The following TJP1 variants were observed in gnomAD, a reference collection of about 807,000 sequenced individuals.
TJP1 encodes tight junction protein 1.
Under a neutral mutation model 194.2 loss-of-function variants are expected in TJP1, and 43 were observed. The ratio of observed to expected loss-of-function variants is 0.22; its 90% CI spans 0.17 to 0.29. The LOEUF is 0.29. Ranked by LOEUF, TJP1 falls within the 10% of genes least tolerant of loss-of-function variation. The probability of loss-of-function intolerance (pLI) is 1.00; values close to 1 mark genes in which losing one functional copy is unlikely to be tolerated. For missense variants in TJP1, 1,971 were observed against 2,185.7 expected (o/e 0.90, Z 1.96); for synonymous variants, 801 against 779.0 (o/e 1.03, Z -0.47).
At chr15:29,840,924 C>T (rs989412061) in intron 2 of TJP1, among the ~76,000 whole-genome samples, 5 of 152,088 alleles carry the variant, frequency 3.3e-5, no homozygotes, top group South Asian at 2.1e-4. Flanking sequence ...ACTGAGACTT[C>T]GGGAAGGCTT....
chr15:29,895,993 G>A (rs1220663181), intron 2 of TJP1, among the ~76,000 whole-genome samples: 1 of 152,064 alleles, frequency 6.6e-6, no homozygotes, highest in African/African-American at 2.4e-5. Flanking sequence ...CAGCTCTCTG[G>A]GGCCTCTTCT....
At chr15:29,760,784 A>G (rs1334248857) in intron 8 of TJP1, among the ~76,000 whole-genome samples, 1 of 152,212 alleles carries the variant, frequency 6.6e-6, no homozygotes, top group Non-Finnish European at 1.5e-5. Flanking sequence ...GCTTGCTAGC[A>G]TCTTCTAATG....
chr15:29,871,663 G>A (rs904678566), intron 2 of TJP1, among the ~76,000 whole-genome samples: 10 of 152,330 alleles, frequency 6.6e-5, no homozygotes, highest in South Asian at 2.1e-4. Flanking sequence ...TGAAAAAGCC[G>A]TCTTGGGCAT....
Position 29,945,348 on chromosome 15 carries a change from T to C in TJP1, c.306+10884A>G, listed in dbSNP as rs535555835. Among the ~76,000 whole-genome samples, 11 of 152,328 alleles carry C rather than the reference T, an allele frequency of 7.2e-5. No individual in the cohort carries two copies. In the South Asian group the frequency reaches 2.3e-3, roughly 32 times the overall value. On this transcript the variant is annotated intron_variant, in intron 2 of 28. Transcript: ENST00000356107. ...TTCTAAGAATCACCAGCTGATATTC[T>C]TTTCACTAATTTCCAAAGAGAAAGA...
chr15:29,725,933 C>G (rs1213232403), intron 18 of TJP1, among the ~76,000 whole-genome samples: 1 of 152,154 alleles, frequency 6.6e-6, no homozygotes, highest in Non-Finnish European at 1.5e-5. Context: ...TATTTCCCAT[C>G]CGCTGCTTGC....
At chr15:29,744,059 G>T (rs1465800283) in intron 8 of TJP1, among the ~76,000 whole-genome samples, 1 of 152,052 alleles carries the variant, frequency 6.6e-6, no homozygotes, top group Non-Finnish European at 1.5e-5. Context: ...TGCGCCTATA[G>T]TCCCAGCTAC....
chr15:29,909,947 A>G (rs1210513118), intron 2 of TJP1, among the ~76,000 whole-genome samples: 9 of 152,326 alleles, frequency 5.9e-5, no homozygotes, highest in African/African-American at 2.2e-4. Context: ...TTAAGTCTTC[A>G]TCACTTATCT....
intron 2 of TJP1, among the ~76,000 whole-genome samples, chr15:29,776,384 AT>A (rs2047014374): frequency 6.6e-6 from 1 of 152,226 alleles, no homozygotes; most frequent in Non-Finnish European, 1.5e-5. Context: ...CCCTGTAAGT[AT>A]GTTGCTTTTT....
chr15:29,845,793 A>G (rs993955417), intron 2 of TJP1, among the ~76,000 whole-genome samples: 1 of 152,126 alleles, frequency 6.6e-6, no homozygotes, highest in African/African-American at 2.4e-5. Context: ...ACAGGGCGAG[A>G]CTCCATCTCA....
At chr15:29,904,697 T>A (rs2053750018) in intron 2 of TJP1, among the ~76,000 whole-genome samples, 1 of 152,134 alleles carries the variant, frequency 6.6e-6, no homozygotes, top group Non-Finnish European at 1.5e-5. Context: ...ATAATCGAAG[T>A]GGGCTGAACA....
In TJP1 at chr15:29,727,235, T is replaced by C. The variant is rs45531037; in HGVS notation, c.2101-244A>G. 8.8e-3 allele frequency among the ~76,000 whole-genome samples: 1,333 copies of C among 152,130 alleles called. 14 individuals are homozygous for C. Among genetic ancestry groups the C allele is most frequent in the Non-Finnish European group, 0.015 (986 of 67,998 alleles). On this transcript the variant is annotated intron_variant, in intron 16 of 27. Coordinates refer to ENST00000614355, the MANE Select transcript of TJP1 (RefSeq NM_001330239.4). ...GGTGCACGCCTGTAATCCCAGCTAC[T>C]TGGGTGGCTGAGGCACAAGAATCAC...
intron 2 of TJP1, among the ~76,000 whole-genome samples, chr15:29,774,645 C>T (rs1202472018): frequency 1.3e-5 from 2 of 151,172 alleles, no homozygotes; most frequent in East Asian, 3.9e-4. Flanking sequence ...TTTTTTTTTC[C>T]CCAGTAATGA....
At chr15:29,895,603 T>C (rs1390657346) in intron 2 of TJP1, among the ~76,000 whole-genome samples, 2 of 152,236 alleles carry the variant, frequency 1.3e-5, no homozygotes, top group East Asian at 3.8e-4. Flanking sequence ...AGGCTTTCTC[T>C]ACAGCTCTCC....
intron 1 of TJP1, among the ~76,000 whole-genome samples, chr15:29,817,159 A>G (rs1485097495): frequency 5.9e-5 from 9 of 152,232 alleles, no homozygotes; most frequent in African/African-American, 2.2e-4. Flanking sequence ...ATGAACAGAC[A>G]CTTCTCAAAA....
chr15:29,852,194 A>G (rs1441334808), intron 2 of TJP1, among the ~76,000 whole-genome samples: 1 of 152,250 alleles, frequency 6.6e-6, no homozygotes, highest in African/African-American at 2.4e-5. Context: ...GACAAGCTAC[A>G]GAATGAAAGA....
At position 29,718,928 on chromosome 15, in the gene TJP1, G is replaced by C; in HGVS notation, c.3214C>G (p.Arg1072Gly). 1.2e-6 allele frequency: 2 copies of C among 1,614,128 alleles called. No individual in the cohort carries two copies. Among genetic ancestry groups the C allele is most frequent in the Non-Finnish European group, 1.7e-6 (2 of 1,180,030 alleles). The part of the protein sequence containing the change: ...ESSSYTDQFS[R>G]NYEHRLRYED... ...TATCGCAGACGATGTTCATAGTTTC[G>C]AGAAAACTGGTCCGTATAGCTTGAG... Residue 1072 changes from arginine (R) to glycine (G), a missense_variant, in exon 21 of 28, where the codon CGA (arginine) becomes GGA (glycine). This residue lies in a region of TJP1 where 1,108 missense variants were observed against 1,128.5 expected (regional missense o/e 0.98). Coordinates refer to ENST00000614355, the MANE Select transcript of TJP1 (RefSeq NM_001330239.4).
intron 8 of TJP1, among the ~76,000 whole-genome samples, chr15:29,746,909 T>C (rs1039168595): frequency 6.7e-6 from 1 of 150,080 alleles, no homozygotes; most frequent in East Asian, 1.9e-4. Context: ...AACAATCTTT[T>C]AGGAAAAAAA....
intron 2 of TJP1, among the ~76,000 whole-genome samples, chr15:29,775,610 TCA>T (rs2151671154): frequency 6.6e-6 from 1 of 152,224 alleles, no homozygotes; most frequent in Non-Finnish European, 1.5e-5. Flanking sequence ...ACCCCATGGC[TCA>T]GAGGGGACTA....
intron 2 of TJP1, among the ~76,000 whole-genome samples, chr15:29,920,806 T>C (rs2054333323): frequency 6.6e-6 from 1 of 152,178 alleles, no homozygotes; most frequent in African/African-American, 2.4e-5. Context: ...TGAGTCATCA[T>C]TCGCAACCTG....
Sources: gnomAD v4.1 joint callset for allele counts (sites outside exome capture counted in the v4.1 genomes callset) on GRCh38, gnomAD v4.1.1 for gene constraint, gnomAD v4.1.1 regional missense constraint, MANE v1.5 for transcripts, NCBI Gene and HGNC (gene_info 2026-07-23, HGNC 2026-07-21) for gene names.